The following AFF4 variants were observed in gnomAD, a reference collection of about 807,000 sequenced individuals.
AFF4 encodes AF4/FMR2 family member 4.
AFF4 carries 13 observed loss-of-function variants against 124.8 expected under a neutral mutation model. The ratio of observed to expected loss-of-function variants is 0.10; its 90% CI spans 0.07 to 0.17. The LOEUF is 0.17. Among genes scored for constraint, AFF4 ranks in the 10% least tolerant of loss-of-function variants. The pLI is 1.00. For missense variants in AFF4, 1,092 were observed against 1,403.8 expected, an observed-to-expected ratio of 0.78 and a Z score of 3.55; for synonymous variants, 477 against 496.1, an observed-to-expected ratio of 0.96 and a Z score of 0.51.
chr5:132,949,344 G>GC (rs1761775685), intron 1 of AFF4, among the ~76,000 whole-genome samples: 1 of 151,476 alleles, frequency 6.6e-6, no homozygotes, highest in Non-Finnish European at 1.5e-5. Flanking sequence ...ATCATACCTG[G>GC]CTCTCTGCCA....
rs1363328173 is a variant in AFF4 at position 132,889,126 on chromosome 5, A to G, written c.2685T>C (p.Thr895=). The change falls in exon 14 of 21, where the codon ACT becomes ACC. Residue 895 remains threonine (T), a synonymous_variant. Coordinates refer to ENST00000265343, the MANE Select transcript of AFF4 (RefSeq NM_014423.4). ...SSSNCPPSAP[T]LDSSKPRRTK... is the part of the protein sequence containing the mutation. ...TTCTCCGAGGCTTAGAAGAATCAAG[A>G]GTTGGTGCAGATGGAGGACAGTTAG... is the stretch of plus-strand genomic sequence containing the variant. The G allele has an allele frequency of 1.2e-6, 2 of 1,614,154 alleles. No homozygotes were observed. The highest frequency in any genetic ancestry group is 2.2e-5 in the South Asian group (2 of 91,090).
chr5:132,910,002 C>G (rs1406446433), intron 5 of AFF4, among the ~76,000 whole-genome samples: 1 of 152,212 alleles, frequency 6.6e-6, no homozygotes, highest in Non-Finnish European at 1.5e-5. Context: ...ATGCACACAA[C>G]TACACATCCA....
chr5:132,897,094 C>A lies in AFF4; in HGVS notation c.1536G>T (p.Gly512=), dbSNP rs1256441671. 1 of 1,614,050 alleles carries A rather than the reference C, an allele frequency of 6.2e-7. No individual in the cohort carries two copies. The highest frequency in any genetic ancestry group is 8.5e-7 in the Non-Finnish European group (1 of 1,180,042). ...GTCCACTTGTATCAGTGTAGCTATT[C>A]CCAGTGCCCTGCTCTCGGCCTTCCT... ...YKKEGREQGT[G]NSYTDTSGPK... Residue 512 remains glycine (G), a synonymous_variant, in exon 11 of 21, where the codon GGG becomes GGT. Coordinates refer to ENST00000265343, the MANE Select transcript of AFF4 (RefSeq NM_014423.4).
chr5:132,929,720 G>A (rs1447468777), intron 4 of AFF4, among the ~76,000 whole-genome samples: 2 of 152,160 alleles, frequency 1.3e-5, no homozygotes, highest in Non-Finnish European at 2.9e-5. Flanking sequence ...AGAGAGGTTA[G>A]GATTGGCCTG....
chr5:132,927,942 T>C (rs1761216008), intron 4 of AFF4, among the ~76,000 whole-genome samples: 1 of 152,184 alleles, frequency 6.6e-6, no homozygotes, highest in Non-Finnish European at 1.5e-5. Context: ...AAGATTACAA[T>C]GTGTATGTTA....
chr5:132,892,552 CTG>C (rs1288185974), intron 12 of AFF4, 148 bp from the exon 13 acceptor site: 4 of 1,271,338 alleles, frequency 3.1e-6, no homozygotes, highest in Non-Finnish European at 3.2e-6. Flanking sequence ...CAAAATAAGA[CTG>C]TAAATTCCAT....
chr5:132,930,539 A>G (rs919809988), intron 4 of AFF4, among the ~76,000 whole-genome samples: 2 of 152,158 alleles, frequency 1.3e-5, no homozygotes, highest in Non-Finnish European at 2.9e-5. Flanking sequence ...GGGAGATTAT[A>G]GTGGGCTAAA....
At chr5:132,959,757 C>CTTTTTTTTTTTTTTT (rs1163731664) in intron 1 of AFF4, among the ~76,000 whole-genome samples, 1 of 71,512 alleles carries the variant, frequency 1.4e-5, no homozygotes, top group Non-Finnish European at 2.5e-5. Flanking sequence ...GAGTGCTTTT[C>CTTTTTTTTTTTTTTT]TTTTTTTTTT....
At chr5:132,932,003 A>G (rs9686869) in intron 4 of AFF4, among the ~76,000 whole-genome samples, 175 bp downstream of exon 4, 1,763 of 152,326 alleles carry the variant, frequency 0.012, 28 homozygotes, top group African/African-American at 0.039. Flanking sequence ...AGCTCTCTGA[A>G]GGCAAATGGT....
chr5:132,899,727 A>G, intron 7 of AFF4, 86 bp from the exon 8 acceptor site: 1 of 1,248,490 alleles, frequency 8.0e-7, no homozygotes, highest in South Asian at 1.4e-5. Flanking sequence ...AAATTCTAGA[A>G]ATAATCACTG....
intron 16 of AFF4, 64 bp from the exon 17 acceptor site, chr5:132,887,656 C>G (rs1760148921): frequency 3.2e-6 from 5 of 1,544,904 alleles, no homozygotes; most frequent in Non-Finnish European, 4.5e-6. Context: ...TATGATTTCA[C>G]TTGTCCTCAA....
intron 1 of AFF4, among the ~76,000 whole-genome samples, chr5:132,946,820 T>TAA (rs1338256645): frequency 9.2e-5 from 14 of 152,216 alleles, no homozygotes; most frequent in Non-Finnish European, 2.1e-4. Flanking sequence ...TAGTACACCT[T>TAA]AAAAATAAAA....
At chr5:132,936,514 CTAAG>C (rs1165646428) in intron 2 of AFF4, among the ~76,000 whole-genome samples, 2 of 152,024 alleles carry the variant, frequency 1.3e-5, no homozygotes, top group African/African-American at 4.8e-5. Context: ...ACTTTGTAAA[CTAAG>C]TAGCAAATGG....
intron 1 of AFF4, among the ~76,000 whole-genome samples, chr5:132,944,703 G>A (rs541752656): frequency 6.6e-6 from 1 of 152,150 alleles, no homozygotes; most frequent in Admixed American, 6.6e-5. Context: ...GCTGAGGCAG[G>A]CGGACAACCT....
chr5:132,907,781 C>T (rs1264912223), intron 5 of AFF4, among the ~76,000 whole-genome samples: 2 of 151,796 alleles, frequency 1.3e-5, no homozygotes, highest in Non-Finnish European at 2.9e-5. Flanking sequence ...GTGTAAAGTC[C>T]AGCTTAAAGG....
intron 13 of AFF4, among the ~76,000 whole-genome samples, chr5:132,890,549 G>A (rs1396023078): frequency 6.6e-6 from 1 of 152,198 alleles, no homozygotes; most frequent in Non-Finnish European, 1.5e-5. Context: ...TAAAAACTAT[G>A]TGCAATGTTG....
At chr5:132,920,493 C>CTA (rs1761018099) in intron 5 of AFF4, among the ~76,000 whole-genome samples, 1 of 151,674 alleles carries the variant, frequency 6.6e-6, no homozygotes, top group Non-Finnish European at 1.5e-5. Flanking sequence ...GTAGCTGGGA[C>CTA]TATAGGTCAT....
chr5:132,928,801 AG>A (rs1327671949), intron 4 of AFF4, among the ~76,000 whole-genome samples: 2 of 152,188 alleles, frequency 1.3e-5, no homozygotes, highest in African/African-American at 2.4e-5. Flanking sequence ...GAATGACAGA[AG>A]GAAGAGACAA....
intron 4 of AFF4, among the ~76,000 whole-genome samples, chr5:132,927,918 G>C (rs945115718): frequency 3.3e-5 from 5 of 152,168 alleles, no homozygotes; most frequent in African/African-American, 1.2e-4. Context: ...AAATATGTCT[G>C]GGTGAGGTCT....
Sources: allele counts gnomAD v4.1 joint callset (sites outside exome capture counted in the v4.1 genomes callset), GRCh38; gene constraint gnomAD v4.1.1; transcripts MANE v1.5; gene names NCBI Gene and HGNC (gene_info 2026-07-23, HGNC 2026-07-21).